ENPP6: variants seen among roughly 807,000 people sequenced by gnomAD.
ENPP6 encodes glycerophosphocholine cholinephosphodiesterase ENPP6.
A neutral mutation model predicts 42.0 loss-of-function variants in ENPP6; 32 were observed. That is an observed-to-expected ratio of 0.76 (90% CI 0.58 to 1.02). ENPP6 has a LOEUF of 1.02. Among genes scored for constraint, ENPP6 ranks in the 50% least tolerant of loss-of-function variants. The probability of loss-of-function intolerance (pLI) is 0.00; values close to 1 mark genes in which losing one functional copy is unlikely to be tolerated. For synonymous variants in ENPP6, 213 were observed against 216.0 expected, an observed-to-expected ratio of 0.99 and a Z score of 0.12; for missense variants, 552 against 566.8, an observed-to-expected ratio of 0.97 and a Z score of 0.27.
At chr4:184,179,425 TG>T (rs1038925564) in intron 1 of ENPP6, among the ~76,000 whole-genome samples, 3 of 152,190 alleles carry the variant, frequency 2.0e-5, no homozygotes, top group African/African-American at 7.2e-5. Flanking sequence ...ACAATAATAG[TG>T]GGAGACTTTA....
intron 1 of ENPP6, among the ~76,000 whole-genome samples, chr4:184,172,498 G>A (rs368257844): frequency 3.3e-5 from 5 of 152,114 alleles, no homozygotes; most frequent in East Asian, 1.9e-4. Context: ...CCTCCCATGC[G>A]GTCTGAAGGG....
Position 184,117,862 on chromosome 4 carries a change from C to A in ENPP6, c.572G>T (p.Arg191Leu), listed in dbSNP as rs763550965. The A allele has an allele frequency of 3.7e-6, 6 of 1,614,088 alleles. No homozygotes were observed. The highest frequency in any genetic ancestry group is 1.7e-5 in the Admixed American group (1 of 60,008). The stretch of plus-strand genomic sequence containing the variant: ...GTAGTGGTGGCCTTCCACGTCAATG[C>A]GCTCATGGTATATGGCTGCCAGGTC... ...RADLAAIYHE[R>L]IDVEGHHYGP... Residue 191 changes from arginine (R) to leucine (L), a missense_variant, in exon 4 of 8, where the codon CGC (arginine) becomes CTC (leucine). By Grantham distance (102) the Arg-to-Leu change is moderately radical. This residue lies in a region of ENPP6 where 545 missense variants were observed against 546.3 expected (regional missense o/e 1.00). Transcript: ENST00000296741.
intron 6 of ENPP6, among the ~76,000 whole-genome samples, chr4:184,098,704 C>G (rs919656973): frequency 2.0e-5 from 3 of 152,152 alleles, no homozygotes; most frequent in African/African-American, 7.2e-5. Context: ...TGATCACTTG[C>G]TATGAAATAG....
intron 6 of ENPP6, among the ~76,000 whole-genome samples, chr4:184,097,995 G>T (rs976041598): frequency 3.9e-5 from 6 of 152,236 alleles, no homozygotes; most frequent in Non-Finnish European, 7.3e-5. Flanking sequence ...CCCACGGGGC[G>T]TGCGGTTCCG....
At chr4:184,156,099 G>A (rs1205376490) in intron 1 of ENPP6, among the ~76,000 whole-genome samples, 2 of 152,188 alleles carry the variant, frequency 1.3e-5, no homozygotes, top group Admixed American at 6.5e-5. Flanking sequence ...AAGGTGGAGC[G>A]CTTTCAAGAA....
At chr4:184,109,235 A>AC (rs879809209) in intron 6 of ENPP6, among the ~76,000 whole-genome samples, 141 of 110,380 alleles carry the variant, frequency 1.3e-3, no homozygotes, top group East Asian at 5.8e-3. Context: ...AACAACAACA[A>AC]AAAAAAACAA....
chr4:184,138,917 G>A (rs1187453772), intron 2 of ENPP6, among the ~76,000 whole-genome samples: 2 of 152,236 alleles, frequency 1.3e-5, no homozygotes, highest in Admixed American at 1.3e-4. Flanking sequence ...CGAAGCCAGG[G>A]CAAATAGGAC....
intron 2 of ENPP6, among the ~76,000 whole-genome samples, chr4:184,141,298 G>A (rs78189933): frequency 0.01 from 1,553 of 152,242 alleles, 22 homozygotes; most frequent in South Asian, 0.04. Context: ...GCTCAACCTC[G>A]CAGGCTGCTG....
At chr4:184,185,980 A>G (rs1451480470) in intron 1 of ENPP6, among the ~76,000 whole-genome samples, 1 of 152,336 alleles carries the variant, frequency 6.6e-6, no homozygotes, top group African/African-American at 2.4e-5. Flanking sequence ...ACCCTTACCC[A>G]TGCTGAAGGA....
intron 2 of ENPP6, among the ~76,000 whole-genome samples, chr4:184,151,222 C>T (rs1421248521): frequency 1.3e-5 from 2 of 152,206 alleles, no homozygotes; most frequent in Non-Finnish European, 2.9e-5. Flanking sequence ...CCTGTAATCC[C>T]AGCTACTCTG....
chr4:184,129,289 C>G (rs1389927528), intron 2 of ENPP6, among the ~76,000 whole-genome samples: 7 of 95,752 alleles, frequency 7.3e-5, no homozygotes, highest in African/African-American at 2.6e-4. Context: ...ACCCCCCCAA[C>G]ATACACACAC....
At chr4:184,116,462 T>C (rs1736315598) in intron 5 of ENPP6, among the ~76,000 whole-genome samples, 1 of 151,766 alleles carries the variant, frequency 6.6e-6, no homozygotes, top group Non-Finnish European at 1.5e-5. Context: ...AGGCCGGGCG[T>C]GGTGGCTCAC....
In ENPP6 at chr4:184,089,244, T is replaced by A. The variant is rs886170441; in HGVS notation, c.*1933A>T. 6.6e-6 allele frequency: 1 copy of A among 152,214 alleles called. No homozygotes were observed. Among genetic ancestry groups the A allele is most frequent in the African/African-American group, 2.4e-5 (1 of 41,454 alleles). 9.4% of individuals were successfully genotyped at this position (152,214 alleles called of 1,614,324 possible). On this transcript the variant is annotated 3_prime_UTR_variant, in exon 8 of 8. Transcript: ENST00000296741. ...ATTACATAAATCTTTAGAAATCTTT[T>A]GTGAAGGTAAATTCAGTATTTTTAA...
intron 1 of ENPP6, among the ~76,000 whole-genome samples, chr4:184,174,121 A>C (rs150778550): frequency 9.0e-4 from 134 of 149,540 alleles, no homozygotes; most frequent in African/African-American, 3.2e-3. Context: ...AGCTCTTAGA[A>C]GAGGTCCCAA....
chr4:184,153,543 C>T lies in ENPP6; in HGVS notation c.421+11G>A. 6.2e-7 allele frequency: 1 copy of T among 1,604,530 alleles called. No individual in the cohort carries two copies. Among genetic ancestry groups the T allele is most frequent in the Non-Finnish European group, 8.5e-7 (1 of 1,175,736 alleles). Reference sequence around the variant, plus strand: ...TGATTTGAGATTTGGAATGGATGTTCACACACTCACCTGGCCAGTAGTACA... The same window carrying T: ...TGATTTGAGATTTGGAATGGATGTTTACACACTCACCTGGCCAGTAGTACA... On this transcript the variant is annotated intron_variant, in intron 2 of 7. Transcript: ENST00000296741.
At chr4:184,109,848 G>A (rs1736170350) in intron 6 of ENPP6, among the ~76,000 whole-genome samples, 1 of 89,832 alleles carries the variant, frequency 1.1e-5, no homozygotes, top group South Asian at 4.2e-4. Context: ...TCAGACAAAC[G>A]TGTGTGTGTG....
chr4:184,102,196 G>A (rs910326867), intron 6 of ENPP6, among the ~76,000 whole-genome samples: 1 of 152,206 alleles, frequency 6.6e-6, no homozygotes, highest in Non-Finnish European at 1.5e-5. Flanking sequence ...ACTTGCCAGG[G>A]CCCATCCGTT....
At chr4:184,129,210 T>C (rs1162506710) in intron 2 of ENPP6, among the ~76,000 whole-genome samples, 1 of 152,024 alleles carries the variant, frequency 6.6e-6, no homozygotes, top group African/African-American at 2.4e-5. Context: ...TAAGCGTTCT[T>C]CTATTGGAAA....
At chr4:184,203,535 T>G (rs1419611147) in intron 1 of ENPP6, among the ~76,000 whole-genome samples, 5 of 152,126 alleles carry the variant, frequency 3.3e-5, no homozygotes, top group Non-Finnish European at 7.4e-5. Flanking sequence ...GCTGGTGTCC[T>G]TACAAGAAGG....
Sources: gnomAD v4.1 joint callset for allele counts (sites outside exome capture counted in the v4.1 genomes callset) on GRCh38, gnomAD v4.1.1 for gene constraint, gnomAD v4.1.1 regional missense constraint, MANE v1.5 for transcripts, NCBI Gene and HGNC (gene_info 2026-07-23, HGNC 2026-07-21) for gene names.